Variants in CCDC9B observed in about 807,000 individuals in gnomAD.
The protein encoded by CCDC9B is coiled-coil domain-containing protein 9B.
Under a neutral mutation model 47.2 loss-of-function variants are expected in CCDC9B, and 40 were observed. The observed-to-expected ratio is 0.85, with a 90% CI of 0.66 to 1.10. The LOEUF (loss-of-function observed/expected upper bound fraction) is 1.10. Among genes scored for constraint, CCDC9B ranks in the 50% least tolerant of loss-of-function variants. The probability of loss-of-function intolerance (pLI) is 0.00; values close to 1 mark genes in which losing one functional copy is unlikely to be tolerated. For missense variants in CCDC9B, 662 were observed against 651.0 expected (o/e 1.02, Z -0.18); for synonymous variants, 238 against 250.7 (o/e 0.95, Z 0.48).
At chr15:40,337,014 A>T in intron 7 of CCDC9B, 1 of 600,198 alleles carries the variant, frequency 1.7e-6, no homozygotes. Flanking sequence ...TCTGGCCCCA[A>T]CTCTCAGGCC....
At chr15:40,336,183 G>A in intron 9 of CCDC9B, 1 of 985,422 alleles carries the variant, frequency 1.0e-6, no homozygotes, top group East Asian at 1.1e-4. Context: ...CCCCCACCAA[G>A]CCTGACCTTG....
chr15:40,339,268 G>A, intron 3 of CCDC9B: 1 of 583,782 alleles, frequency 1.7e-6, no homozygotes, highest in Non-Finnish European at 3.1e-6. Context: ...CCTGTGCTTT[G>A]TGGCATAGGC....
At position 40,338,831 on chromosome 15, in the gene CCDC9B, C is replaced by T; in HGVS notation, c.304G>A (p.Asp102Asn). The T allele has an allele frequency of 1.2e-6, 2 of 1,614,210 alleles. No individual in the cohort carries two copies. The highest frequency in any genetic ancestry group is 1.7e-6 in the Non-Finnish European group (2 of 1,180,018). The change falls in exon 4 of 11, where the codon GAT becomes AAT. Residue 102 changes from aspartate to asparagine, a missense_variant. Transcript: ENST00000397536. ...GPRVTNEMLE[D>N]EDAEDHGGTF... is the part of the protein sequence containing the mutation. ...CCCCCGTGGTCCTCAGCATCCTCAT[C>T]CTCAAGCATCTCGTTGGTCACTCTG...
chr15:40,335,755 C>T, intron 10 of CCDC9B, 29 bp downstream of exon 10: 1 of 1,605,518 alleles, frequency 6.2e-7, no homozygotes, highest in Non-Finnish European at 8.5e-7. Flanking sequence ...GCGTCCCCAG[C>T]CTGCCCCATC....
At chr15:40,340,152 G>T (rs1889058888) in intron 1 of CCDC9B, 137 bp from the exon 2 acceptor site, 3 of 626,860 alleles carry the variant, frequency 4.8e-6, no homozygotes, top group African/African-American at 3.7e-5. Flanking sequence ...GGATTGCTTA[G>T]GGAGATGGCC....
intron 9 of CCDC9B, 102 bp from the exon 10 acceptor site, chr15:40,335,928 A>G: frequency 6.5e-7 from 1 of 1,540,478 alleles, no homozygotes; most frequent in Non-Finnish European, 8.7e-7. Flanking sequence ...GCCAGTGAGG[A>G]AGGCTGAGCT....
In CCDC9B at chr15:40,338,895, C is replaced by T. The variant is rs778357359; in HGVS notation, c.240G>A (p.Arg80=). The T allele has an allele frequency of 1.9e-6, 3 of 1,614,186 alleles. No individual in the cohort carries two copies. In the East Asian group the frequency reaches 6.7e-5, roughly 36 times the overall value. The change falls in exon 4 of 11, where the codon CGG becomes CGA. Residue 80 remains arginine (R), a synonymous_variant. Coordinates refer to ENST00000397536, the MANE Select transcript of CCDC9B (RefSeq NM_207380.3). ...VTISQVPGEK[R]VVSRNWARGT... is the part of the protein sequence containing the mutation. ...CCCTTGCCCAGTTCCTGCTAACCAC[C>T]CGCTTTTCCTGCAGAACAAAGACCC...
Position 40,335,712 on chromosome 15 carries a change from GA to G in CCDC9B, c.931-13del. On this transcript the variant is annotated splice_polypyrimidine_tract_variant and intron_variant, in intron 10 of 10. Transcript: ENST00000397536. ...GTGCTTTGGCTTCCCTGAAACAAGA[GA>G]ATAGCCCCGGTGGCTGATGAATCCA... is the stretch of plus-strand genomic sequence containing the variant. The G allele has an allele frequency of 6.4e-7, 1 of 1,572,814 alleles. No individual in the cohort carries two copies. Among genetic ancestry groups the G allele is most frequent in the Non-Finnish European group, 8.6e-7 (1 of 1,157,788 alleles).
At position 40,337,861 on chromosome 15, in the gene CCDC9B, C is replaced by G. The variant is rs1323869309; in HGVS notation, c.546G>C (p.Gly182=). The part of the protein sequence containing the change: ...GSWEPWSRPV[G]EPPEAGWDYA... ...AGTCCCAGCCCGCCTCCGGGGGCTC[C>G]CCCACCGGCCGGCTCCAGGGCTCCC... is the stretch of plus-strand genomic sequence containing the variant. Residue 182 remains glycine (G), a synonymous_variant, in exon 6 of 11, where the codon GGG becomes GGC. Transcript: ENST00000397536. The G allele has an allele frequency of 6.2e-7, 1 of 1,605,302 alleles. No individual in the cohort carries two copies. Among genetic ancestry groups the G allele is most frequent in the Non-Finnish European group, 8.5e-7 (1 of 1,176,760 alleles).
At chr15:40,339,290 G>A in intron 3 of CCDC9B, 1 of 591,374 alleles carries the variant, frequency 1.7e-6, no homozygotes, top group Non-Finnish European at 3.0e-6. Flanking sequence ...CAGGGCTGTG[G>A]ACTGGAAAAG....
rs3067241 is a variant in CCDC9B, at chr15:40,333,566, T to TAAAAAAAAAAAAAAAAAAAAAA, written c.*1570_*1591dup. On this transcript the variant is annotated 3_prime_UTR_variant, in exon 11 of 11. Coordinates refer to ENST00000397536, the MANE Select transcript of CCDC9B (RefSeq NM_207380.3). ...TAGGTGATAACAGCAGGACCCTAAC[T>TAAAAAAAAAAAAAAAAAAAAAA]AAAAAAAAAAAAAAAAAAAAAAGAC... 1 of 65,554 alleles carries TAAAAAAAAAAAAAAAAAAAAAA rather than the reference T, an allele frequency of 1.5e-5. No individual in the cohort carries two copies. The highest frequency in any genetic ancestry group is 6.8e-5 in the African/African-American group (1 of 14,720). The allele number at this position is 65,554 out of a possible 1,614,324, so 4.1% of individuals were successfully genotyped here. A position where few individuals can be genotyped will look rare whatever the true frequency, so the allele number is the denominator to read the frequency against.
rs1888927587 is a variant in CCDC9B at position 40,335,165 on chromosome 15, C to G, written c.1466G>C (p.Arg489Thr). The G allele has an allele frequency of 6.6e-7, 1 of 1,507,246 alleles. No homozygotes were observed. Among genetic ancestry groups the G allele is most frequent in the Admixed American group, 2.2e-5 (1 of 45,456 alleles). 93.4% of individuals were successfully genotyped at this position (1,507,246 alleles called of 1,614,324 possible). A position where few individuals can be genotyped will look rare whatever the true frequency, so the allele number is the denominator to read the frequency against. The part of the protein sequence containing the change: ...RRTGRPGPAG[R>T]C ...AGCTCCCAGGAGCTGTGTTCAGCAT[C>G]TTCCTGCCGGGCCAGGGCGCCCTGT... The change falls in exon 11 of 11, where the codon AGA becomes ACA. Residue 489 changes from arginine (R) to threonine (T), a missense_variant. Transcript: ENST00000397536.
chr15:40,337,384 T>A lies in CCDC9B; in HGVS notation c.742+4A>T. 6.2e-7 allele frequency: 1 copy of A among 1,612,290 alleles called. No individual in the cohort carries two copies. Among genetic ancestry groups the A allele is most frequent in the Non-Finnish European group, 8.5e-7 (1 of 1,178,910 alleles). ...GGGGAGGGATGAGGTAGGTGTGGGC[T>A]CACCCCTTCTGCTGCCTGCCCTGGC... On this transcript the variant is annotated splice_donor_region_variant and intron_variant, in intron 7 of 10. Transcript: ENST00000397536.
chr15:40,336,618 G>T lies in CCDC9B; in HGVS notation c.843C>A (p.Gly281=). The part of the protein sequence containing the change: ...ASRPSVAPAT[G]SKARGKERLT... The stretch of plus-strand genomic sequence containing the variant: ...GCCTCTCCTTGCCCCGGGCTTTGCT[G>T]CCTGTGGCTGGTGCCACCGAGGGTC... Residue 281 remains glycine (G), a synonymous_variant, in exon 9 of 11, where the codon GGC becomes GGA. Coordinates refer to ENST00000397536, the MANE Select transcript of CCDC9B (RefSeq NM_207380.3). The T allele has an allele frequency of 1.2e-6, 2 of 1,613,132 alleles. No individual in the cohort carries two copies. The highest frequency in any genetic ancestry group is 1.7e-6 in the Non-Finnish European group (2 of 1,179,700).
At position 40,338,846 on chromosome 15, in the gene CCDC9B, T is replaced by C; in HGVS notation, c.289A>G (p.Asn97Asp). ...ARGTCGPRVT[N>D]EMLEDEDAED... The stretch of plus-strand genomic sequence containing the variant: ...GCATCCTCATCCTCAAGCATCTCGT[T>C]GGTCACTCTGGGTCCACAGGTACCC... Residue 97 changes from asparagine (N) to aspartate (D), a missense_variant, in exon 4 of 11, where the codon AAC (asparagine) becomes GAC (aspartate). Physicochemically the swap from Asn to Asp is conservative, Grantham distance 23. Coordinates refer to ENST00000397536, the MANE Select transcript of CCDC9B (RefSeq NM_207380.3). The C allele has an allele frequency of 1.9e-6, 3 of 1,614,164 alleles. No individual in the cohort carries two copies. The highest frequency in any genetic ancestry group is 2.5e-6 in the Non-Finnish European group (3 of 1,180,016).
intron 3 of CCDC9B, 170 bp from the exon 4 acceptor site, chr15:40,339,073 AGGGCCCAGGGCCACCCAGC>A (rs1035127672): frequency 5.3e-6 from 4 of 748,940 alleles, no homozygotes; most frequent in African/African-American, 1.8e-5. Flanking sequence ...GAGGTTATCC[AGGGCCCAGGGCCACCCAGC>A]GGCCCAAGAT....
At chr15:40,340,437 A>T (rs955582019) in intron 1 of CCDC9B, 14 of 325,448 alleles carry the variant, frequency 4.3e-5, no homozygotes, top group African/African-American at 2.8e-4. Context: ...ACCAGAGAAA[A>T]AGGAGAGGCC....
At chr15:40,339,236 G>C in intron 3 of CCDC9B, 1 of 582,664 alleles carries the variant, frequency 1.7e-6, no homozygotes, top group South Asian at 2.0e-5. Flanking sequence ...TTTAGCCCCT[G>C]GGGCTTGAGG....
rs1888868546 is a variant in CCDC9B, at chr15:40,331,956, CCTT to C, written c.*3199_*3201del. 1 of 152,314 alleles carries C rather than the reference CCTT, an allele frequency of 6.6e-6. No individual in the cohort carries two copies. Among genetic ancestry groups the C allele is most frequent in the Non-Finnish European group, 1.5e-5 (1 of 68,070 alleles). 9.4% of individuals were successfully genotyped at this position (152,314 alleles called of 1,614,324 possible). On this transcript the variant is annotated 3_prime_UTR_variant, in exon 11 of 11. Coordinates refer to ENST00000397536, the MANE Select transcript of CCDC9B (RefSeq NM_207380.3). ...GAGAGGCCTCTGCCTATTCTGCCCTCCTTGTTTCGAGACCTTAGGTAAAGCCAG... is the reference window on the plus strand; with the variant it reads ...GAGAGGCCTCTGCCTATTCTGCCCTCGTTTCGAGACCTTAGGTAAAGCCAG...
Sources: gnomAD v4.1 joint callset for allele counts on GRCh38, gnomAD v4.1.1 for gene constraint, MANE v1.5 for transcripts, NCBI Gene and HGNC (gene_info 2026-07-23, HGNC 2026-07-21) for gene names.